LRGUK: variants seen among roughly 807,000 people sequenced by gnomAD.
LRGUK encodes the protein leucine rich repeats and guanylate kinase domain containing.
Under a neutral mutation model 76.0 loss-of-function variants are expected in LRGUK, and 65 were observed. The ratio of observed to expected loss-of-function variants is 0.85; its 90% CI spans 0.70 to 1.05. The LOEUF is 1.05. Ranked by LOEUF, LRGUK falls within the 50% of genes least tolerant of loss-of-function variation. LRGUK has a pLI of 0.00. For missense variants in LRGUK, 758 were observed against 732.8 expected, an observed-to-expected ratio of 1.03 and a Z score of -0.40; for synonymous variants, 268 against 265.6, an observed-to-expected ratio of 1.01 and a Z score of -0.09.
chr7:134,261,376 A>G (rs1802723638), intron 19 of LRGUK, among the ~76,000 whole-genome samples: 1 of 152,154 alleles, frequency 6.6e-6, no homozygotes, highest in Admixed American at 6.5e-5. Flanking sequence ...ATTTGTATCA[A>G]ATTAGATCAT....
chr7:134,275,999 C>G, the LRGUK span, among the ~76,000 whole-genome samples: 1 of 152,154 alleles, frequency 6.6e-6, no homozygotes, highest in East Asian at 1.9e-4. Context: ...GAAGCAAGCT[C>G]CATTCCACAG....
chr7:134,238,305 A>G (rs756362580), intron 16 of LRGUK, among the ~76,000 whole-genome samples: 13 of 151,876 alleles, frequency 8.6e-5, no homozygotes, highest in Non-Finnish European at 1.9e-4. Context: ...CTGGAATTGT[A>G]GTTTTTATCA....
At chr7:134,199,144 T>G in intron 13 of LRGUK, 76 bp from the exon 14 acceptor site, 2 of 1,124,224 alleles carry the variant, frequency 1.8e-6, no homozygotes, top group Non-Finnish European at 2.7e-6. Flanking sequence ...CTTATACCCA[T>G]GTTGTCAGAT....
At chr7:134,189,477 C>T (rs565618273) in intron 11 of LRGUK, among the ~76,000 whole-genome samples, 45 of 152,224 alleles carry the variant, frequency 3.0e-4, no homozygotes, top group African/African-American at 1.1e-3. Flanking sequence ...TTAGGTTCTT[C>T]TTAATAGGAA....
intron 16 of LRGUK, among the ~76,000 whole-genome samples, chr7:134,222,199 A>G (rs1227551975): frequency 6.6e-6 from 1 of 152,212 alleles, no homozygotes; most frequent in Non-Finnish European, 1.5e-5. Context: ...AAAGCACTAC[A>G]AGAAAATTAA....
At chr7:134,259,150 T>C (rs1278891588) in intron 19 of LRGUK, among the ~76,000 whole-genome samples, 2 of 152,162 alleles carry the variant, frequency 1.3e-5, no homozygotes, top group Non-Finnish European at 2.9e-5. Flanking sequence ...CCAGCCCCGC[T>C]TCACCTCCTT....
chr7:134,209,609 C>G (rs904619938), exon 16 of LRGUK: 27 of 399,160 alleles, frequency 6.8e-5, no homozygotes, highest in Non-Finnish European at 4.4e-5. Context: ...ACCCAAACTC[C>G]TATCGCCCAG....
intron 5 of LRGUK, among the ~76,000 whole-genome samples, chr7:134,150,863 C>CTT (rs3054669): frequency 0.13 from 19,649 of 151,552 alleles, 1,597 homozygotes; most frequent in East Asian, 0.32. Flanking sequence ...GCAATTGAGT[C>CTT]ATCACTAAAG....
chr7:134,261,684 T>C (rs1425638315), intron 19 of LRGUK, among the ~76,000 whole-genome samples: 2 of 152,148 alleles, frequency 1.3e-5, no homozygotes, highest in Non-Finnish European at 2.9e-5. Flanking sequence ...TCAAGATACA[T>C]TGTATCAGTG....
chr7:134,193,645 G>A (rs1800354068), intron 12 of LRGUK, among the ~76,000 whole-genome samples: 1 of 152,124 alleles, frequency 6.6e-6, no homozygotes, highest in Admixed American at 6.5e-5. Context: ...AACTTGAATT[G>A]TGCCTCTGAT....
rs1563200839 is a variant in LRGUK at position 134,252,374 on chromosome 7, A to AATTTAATTT, written c.2198+3299_2198+3300insTTTAATTTA. 1.1e-3 allele frequency among the ~76,000 whole-genome samples: 160 copies of AATTTAATTT among 150,930 alleles called. 1 individual carries two copies. The highest frequency in any genetic ancestry group is 3.7e-3 in the African/African-American group (151 of 40,492). On this transcript the variant is annotated intron_variant, in intron 18 of 19. Coordinates refer to the LRGUK transcript ENST00000285928. ...AAATTAAATTAAATTAAATTAAATT[A>AATTTAATTT]AATTAAAGGGACCTAACATTCTGGC...
At chr7:134,253,381 A>T (rs185194212) in intron 18 of LRGUK, among the ~76,000 whole-genome samples, 25 of 152,230 alleles carry the variant, frequency 1.6e-4, no homozygotes, top group Admixed American at 1.6e-3. Context: ...TGTAGTTTTA[A>T]AATATGATAT....
intron 11 of LRGUK, among the ~76,000 whole-genome samples, chr7:134,189,362 A>G (rs188555317): frequency 1.3e-5 from 2 of 152,314 alleles, no homozygotes; most frequent in Non-Finnish European, 2.9e-5. Flanking sequence ...TGCCTTCACT[A>G]TGAAGCATTT....
intron 18 of LRGUK, among the ~76,000 whole-genome samples, chr7:134,256,450 A>G (rs1585607084): frequency 7.5e-6 from 1 of 134,226 alleles, no homozygotes; most frequent in South Asian, 2.4e-4. Flanking sequence ...CAAGAGCGAA[A>G]CTCTGTCTCA....
chr7:134,231,440 TTTCCTTTCTCCC>T (rs1424442523), intron 16 of LRGUK, among the ~76,000 whole-genome samples: 2 of 135,322 alleles, frequency 1.5e-5, no homozygotes, highest in African/African-American at 6.5e-5. Context: ...TCCTTTCTTC[TTTCCTTTCTCCC>T]TTCCTTTCTT....
intron 5 of LRGUK, among the ~76,000 whole-genome samples, chr7:134,156,904 G>A (rs893084254): frequency 6.6e-6 from 1 of 152,190 alleles, no homozygotes; most frequent in South Asian, 2.1e-4. Context: ...GCAGGTCTTG[G>A]TGATTGGATG....
At chr7:134,237,290 C>T (rs759183744) in intron 16 of LRGUK, among the ~76,000 whole-genome samples, 4 of 151,860 alleles carry the variant, frequency 2.6e-5, no homozygotes, top group Admixed American at 6.6e-5. Flanking sequence ...CTTGACCTTG[C>T]GACGCGCCTG....
Position 134,233,787 on chromosome 7 carries a change from C to G in LRGUK, c.1983+11869C>G, listed in dbSNP as rs58546161. Among the ~76,000 whole-genome samples, 342 of 152,262 alleles carry G rather than the reference C, an allele frequency of 2.2e-3. 3 individuals carry two copies. Among genetic ancestry groups the G allele is most frequent in the African/African-American group, 7.9e-3 (329 of 41,554 alleles). On this transcript the variant is annotated intron_variant, in intron 16 of 19. Coordinates refer to the LRGUK transcript ENST00000285928. ...GTCACCCAGGGATCAACGTGAATCTCGAGAGAAGACATTTGATTTCCAGTA... is the reference window on the plus strand; with the variant it reads ...GTCACCCAGGGATCAACGTGAATCTGGAGAGAAGACATTTGATTTCCAGTA...
intron 16 of LRGUK, among the ~76,000 whole-genome samples, chr7:134,237,530 CCTTTT>C (rs1200130369): frequency 6.6e-6 from 1 of 152,144 alleles, no homozygotes; most frequent in African/African-American, 2.4e-5. Flanking sequence ...CTAATGGAAG[CCTTTT>C]CAAGTTGGCA....
Sources: gnomAD v4.1 joint callset for allele counts (sites outside exome capture counted in the v4.1 genomes callset) on GRCh38, gnomAD v4.1.1 for gene constraint, MANE v1.5 for transcripts, NCBI Gene and HGNC (gene_info 2026-07-23, HGNC 2026-07-21) for gene names.